LAMB1: variants seen among roughly 807,000 people sequenced by gnomAD.
LAMB1 encodes the protein laminin subunit beta-1.
In LAMB1, 121 loss-of-function variants were observed where a neutral mutation model predicts 222.3. The observed-to-expected ratio is 0.54, with a 90% confidence interval of 0.47 to 0.63. The LOEUF (loss-of-function observed/expected upper bound fraction) is 0.63. Among genes scored for constraint, LAMB1 ranks in the 30% least tolerant of loss-of-function variants. The probability of loss-of-function intolerance (pLI) is 0.00; values close to 1 mark genes in which losing one functional copy is unlikely to be tolerated. For missense variants in LAMB1, 2,172 were observed against 2,240.8 expected (o/e 0.97, Z 0.62); for synonymous variants, 794 against 807.2 (o/e 0.98, Z 0.28).
intron 13 of LAMB1, among the ~76,000 whole-genome samples, chr7:107,965,305 C>T (rs1319576883): frequency 1.3e-5 from 2 of 152,242 alleles, no homozygotes; most frequent in South Asian, 2.1e-4. Flanking sequence ...TGCGGCTGGG[C>T]ACGGTGGCTC....
intron 13 of LAMB1, 44 bp from the exon 14 acceptor site, chr7:107,964,731 C>A (rs368098413): frequency 5.0e-6 from 8 of 1,603,954 alleles, no homozygotes; most frequent in Non-Finnish European, 6.8e-6. Flanking sequence ...CATGGTCACG[C>A]GAGTCAACCC....
At chr7:107,988,255 C>T (rs1240087898) in intron 5 of LAMB1, among the ~76,000 whole-genome samples, 4 of 152,148 alleles carry the variant, frequency 2.6e-5, no homozygotes, top group Non-Finnish European at 4.4e-5. Context: ...ATGACGACAA[C>T]GTGGAAGAGG....
chr7:107,933,604 A>G (rs74783801), intron 27 of LAMB1, among the ~76,000 whole-genome samples: 5 of 126,868 alleles, frequency 3.9e-5, no homozygotes, highest in African/African-American at 1.4e-4. Context: ...GCAGACATGG[A>G]AAAAAAAAAA....
intron 13 of LAMB1, among the ~76,000 whole-genome samples, chr7:107,970,884 C>A (rs565617765): frequency 6.6e-6 from 1 of 152,226 alleles, no homozygotes; most frequent in South Asian, 2.1e-4. Context: ...AGGTAGGTGC[C>A]ACCACGCCTG....
intron 27 of LAMB1, chr7:107,932,728 G>GT (rs1393988400): frequency 6.4e-4 from 174 of 270,452 alleles, no homozygotes; most frequent in African/African-American, 3.7e-3. Context: ...ACCAGTTAGA[G>GT]TTTAAAAAAA....
At chr7:107,946,189 A>T (rs543859548) in intron 24 of LAMB1, among the ~76,000 whole-genome samples, 5 of 152,362 alleles carry the variant, frequency 3.3e-5, no homozygotes, top group Non-Finnish European at 5.9e-5. Flanking sequence ...ATCTGCTGCA[A>T]TGCCAAGAAT....
At chr7:107,928,897 A>G (rs753908162) in intron 31 of LAMB1, among the ~76,000 whole-genome samples, 167 bp downstream of exon 31, 2 of 152,184 alleles carry the variant, frequency 1.3e-5, no homozygotes, top group Admixed American at 6.5e-5. Flanking sequence ...TTGAAAACCT[A>G]TCTCCACTTA....
chr7:107,997,205 C>T (rs1037337589), intron 4 of LAMB1, among the ~76,000 whole-genome samples: 5 of 152,102 alleles, frequency 3.3e-5, no homozygotes, highest in African/African-American at 7.2e-5. Flanking sequence ...GGGTGGATCA[C>T]GAGGTCAGGA....
At chr7:107,928,344 A>G (rs1270213872) in intron 31 of LAMB1, among the ~76,000 whole-genome samples, 2 of 152,196 alleles carry the variant, frequency 1.3e-5, no homozygotes, top group African/African-American at 2.4e-5. Context: ...ATAGTTTCCA[A>G]AACTACTATA....
intron 32 of LAMB1, 57 bp downstream of exon 32, chr7:107,926,126 G>T: frequency 7.4e-7 from 1 of 1,345,842 alleles, no homozygotes; most frequent in Non-Finnish European, 1.1e-6. Flanking sequence ...GGCAGGCAAG[G>T]AGGAGACTGG....
At chr7:107,935,690 C>T in intron 26 of LAMB1, 34 bp from the exon 27 acceptor site, 1 of 1,604,870 alleles carries the variant, frequency 6.2e-7, no homozygotes. Flanking sequence ...CACAGTTAAC[C>T]TCATCATACT....
At chr7:107,927,198 G>A (rs2032586479) in intron 31 of LAMB1, among the ~76,000 whole-genome samples, 1 of 152,096 alleles carries the variant, frequency 6.6e-6, no homozygotes, top group African/African-American at 2.4e-5. Context: ...CAAACCTAAG[G>A]ACCCTTTAAT....
rs1457654630 is a variant in LAMB1 at position 107,959,339 on chromosome 7, C to T, written c.2600G>A (p.Cys867Tyr). 1 of 1,614,236 alleles carries T rather than the reference C, an allele frequency of 6.2e-7. No individual in the cohort carries two copies. Among genetic ancestry groups the T allele is most frequent in the Admixed American group, 1.7e-5 (1 of 60,024 alleles). ...GHWGFPSCQP[C>Y]QCNGHADDCD... is the part of the protein sequence containing the mutation. ...GTCATCGGCGTGGCCATTGCACTGG[C>T]AGGGCTGGCAACTTGGAAAGCCCCA... Residue 867 changes from cysteine to tyrosine, a missense_variant, in exon 20 of 34, where the codon TGC (cysteine) becomes TAC (tyrosine). Cys to Tyr is a radical substitution (Grantham distance 194). Transcript: ENST00000222399.
chr7:107,970,143 C>A (rs1479321817), intron 13 of LAMB1, among the ~76,000 whole-genome samples: 1 of 152,072 alleles, frequency 6.6e-6, no homozygotes, highest in Non-Finnish European at 1.5e-5. Context: ...AAAAGAGATG[C>A]AGAAGCAATG....
At chr7:107,962,495 C>T (rs924245041) in intron 15 of LAMB1, among the ~76,000 whole-genome samples, 2 of 152,166 alleles carry the variant, frequency 1.3e-5, no homozygotes, top group African/African-American at 4.8e-5. Flanking sequence ...GGGCGAATCA[C>T]CTGAGGTCAG....
intron 27 of LAMB1, 64 bp downstream of exon 27, chr7:107,935,351 T>TG: frequency 2.5e-6 from 1 of 394,650 alleles, no homozygotes; most frequent in South Asian, 7.5e-5. Flanking sequence ...TTCTTTGTTT[T>TG]TTTTTTTTTT....
Position 108,001,591 on chromosome 7 carries a change from C to G in LAMB1, c.180G>C (p.Lys60Asn), listed in dbSNP as rs763741681. The change falls in exon 3 of 34, where the codon AAG (lysine) becomes AAC (asparagine). Residue 60 changes from lysine to asparagine, a missense_variant. Coordinates refer to ENST00000222399, the MANE Select transcript of LAMB1 (RefSeq NM_002291.3). ...GGCTGACGATACAGTAGGGTTCGGG[C>G]TTGTGCAGCCCGCACGTCGAGGTCA... Reference protein sequence around the residue: ...LSVTSTCGLHKPEPYCIVSHL... With the variant: ...LSVTSTCGLHNPEPYCIVSHL... 1.2e-6 allele frequency: 2 copies of G among 1,612,532 alleles called. No individual in the cohort carries two copies. The highest frequency in any genetic ancestry group is 4.5e-5 in the East Asian group (2 of 44,846).
Position 107,955,498 on chromosome 7 carries a change from CTG to C in LAMB1, c.2821_2822del (p.Gln941AlafsTer6). The stretch of plus-strand genomic sequence containing the variant: ...ATCCAGGATCACAAACACAGGCAAG[CTG>C]TAAAGTAACAGGATCTTGGTAGCAG... Reference protein sequence around the residue: ...RSCYQDPVTLQLACVCDPGYI... With the variant: ...RSCYQDPVTLXLACVCDPGYI... On this transcript the variant is annotated frameshift_variant, in exon 21 of 34. Coordinates refer to ENST00000222399, the MANE Select transcript of LAMB1 (RefSeq NM_002291.3). LOFTEE classifies it high-confidence loss of function. 1 of 1,614,000 alleles carries C rather than the reference CTG, an allele frequency of 6.2e-7. No individual in the cohort carries two copies. The highest frequency in any genetic ancestry group is 1.1e-5 in the South Asian group (1 of 91,068).
intron 20 of LAMB1, among the ~76,000 whole-genome samples, chr7:107,956,294 T>A (rs578131830): frequency 6.6e-6 from 1 of 152,354 alleles, no homozygotes; most frequent in Admixed American, 6.5e-5. Flanking sequence ...CTCTTTATGT[T>A]TTCATGTGGA....
Sources: allele counts gnomAD v4.1 joint callset (sites outside exome capture counted in the v4.1 genomes callset), GRCh38; gene constraint gnomAD v4.1.1; transcripts MANE v1.5; gene names NCBI Gene and HGNC (gene_info 2026-07-23, HGNC 2026-07-21).